Variants in CNMD observed in about 807,000 individuals in gnomAD.
CNMD encodes the protein leukocyte cell-derived chemotaxin 1.
Under a neutral mutation model 37.5 loss-of-function variants are expected in CNMD, and 30 were observed. The ratio of observed to expected loss-of-function variants is 0.80; its 90% CI spans 0.60 to 1.09. The LOEUF (loss-of-function observed/expected upper bound fraction) is 1.09. CNMD is among the 50% of genes least tolerant of loss of function. The pLI is 0.00. For missense variants in CNMD, 398 were observed against 423.9 expected, an observed-to-expected ratio of 0.94 and a Z score of 0.54; for synonymous variants, 167 against 148.2, an observed-to-expected ratio of 1.13 and a Z score of -0.92.
chr13:52,704,636 A>T (rs1457008360), intron 6 of CNMD, among the ~76,000 whole-genome samples: 1 of 152,138 alleles, frequency 6.6e-6, no homozygotes, highest in Admixed American at 6.5e-5. Flanking sequence ...TATGGTATTG[A>T]AGTGCATTCC....
At position 52,739,171 on chromosome 13, in the gene CNMD, C is replaced by A; in HGVS notation, c.73G>T (p.Ala25Ser). The A allele has an allele frequency of 1.3e-6, 2 of 1,487,506 alleles. No homozygotes were observed. Among genetic ancestry groups the A allele is most frequent in the Non-Finnish European group, 1.8e-6 (2 of 1,125,234 alleles). The allele number at this position is 1,487,506 out of a possible 1,614,324, so 92.1% of individuals were successfully genotyped here. A position where few individuals can be genotyped will look rare whatever the true frequency, so the allele number is the denominator to read the frequency against. The change falls in exon 2 of 7, where the codon GCG (alanine) becomes TCG (serine). Residue 25 changes from alanine to serine, a missense_variant and splice_region_variant. Physicochemically the swap from Ala to Ser is moderately conservative, Grantham distance 99 (BLOSUM62 1). Coordinates refer to ENST00000377962, the MANE Select transcript of CNMD (RefSeq NM_007015.3). The surrounding 1 kb of genome is among the most constrained non-coding windows in gnomAD (Gnocchi z 5.4). ...PDDVEFCSPPAYATLTVKPSS... is the reference protein window; with the variant it reads ...PDDVEFCSPPSYATLTVKPSS... ...GGCTTCACCGTCAGCGTAGCGTACG[C>A]CTGCGGGCCGGGGCGGGAGAGGGAC...
chr13:52,736,024 T>C (rs557666937), intron 2 of CNMD, among the ~76,000 whole-genome samples: 222 of 150,706 alleles, frequency 1.5e-3, no homozygotes, highest in Middle Eastern at 3.5e-3. Context: ...GACGGAGTCT[T>C]GCTCTGTCGC....
intron 4 of CNMD, among the ~76,000 whole-genome samples, chr13:52,721,117 C>T (rs907176371): frequency 6.6e-6 from 1 of 152,158 alleles, no homozygotes; most frequent in Non-Finnish European, 1.5e-5. Context: ...AAACTGCCTA[C>T]TCAAGCCTCA....
intron 4 of CNMD, among the ~76,000 whole-genome samples, chr13:52,717,272 A>G (rs557652206): frequency 7.9e-5 from 12 of 152,308 alleles, no homozygotes; most frequent in Admixed American, 5.9e-4. Flanking sequence ...TAAATGTACA[A>G]TCATGTAATC....
intron 4 of CNMD, among the ~76,000 whole-genome samples, chr13:52,722,095 G>GA: frequency 6.6e-6 from 1 of 152,186 alleles, no homozygotes; most frequent in East Asian, 1.9e-4. Flanking sequence ...GCACCGAGAA[G>GA]ACGACCTTTG....
At chr13:52,738,497 G>GT (rs1157325303) in intron 2 of CNMD, among the ~76,000 whole-genome samples, 2 of 152,026 alleles carry the variant, frequency 1.3e-5, no homozygotes, top group Non-Finnish European at 2.9e-5. Context: ...TTTGTTTTTT[G>GT]TTTTTGTTTT....
At chr13:52,730,877 C>T (rs939075312) in intron 3 of CNMD, among the ~76,000 whole-genome samples, 2 of 152,044 alleles carry the variant, frequency 1.3e-5, no homozygotes, top group South Asian at 2.1e-4. Flanking sequence ...TTTTCTTCCA[C>T]GGGGTTCTAC....
intron 3 of CNMD, among the ~76,000 whole-genome samples, chr13:52,730,787 A>G (rs976877107): frequency 6.6e-6 from 1 of 152,204 alleles, no homozygotes; most frequent in Non-Finnish European, 1.5e-5. Context: ...CTCATAAAGT[A>G]TGAATGAACT....
At chr13:52,734,619 A>G (rs2138277577) in intron 2 of CNMD, among the ~76,000 whole-genome samples, 1 of 151,798 alleles carries the variant, frequency 6.6e-6, no homozygotes, top group East Asian at 1.9e-4. Context: ...TATCTTACAT[A>G]TGATATATTA....
intron 4 of CNMD, 99 bp downstream of exon 4, chr13:52,723,897 TA>T: frequency 1.3e-6 from 1 of 764,050 alleles, no homozygotes; most frequent in Non-Finnish European, 2.2e-6. Flanking sequence ...TCTGTCTCAA[TA>T]AAAATAAAAA....
At chr13:52,704,970 A>C (rs1031361452) in intron 6 of CNMD, among the ~76,000 whole-genome samples, 2 of 152,088 alleles carry the variant, frequency 1.3e-5, no homozygotes, top group African/African-American at 2.4e-5. Flanking sequence ...GAGGCAGGAG[A>C]ATCTCCTGAA....
At chr13:52,729,962 C>T (rs1355922691) in intron 3 of CNMD, among the ~76,000 whole-genome samples, 2 of 151,120 alleles carry the variant, frequency 1.3e-5, no homozygotes, top group Non-Finnish European at 3.0e-5. Flanking sequence ...TATATCTCCT[C>T]ATGCTATCCC....
At position 52,733,354 on chromosome 13, in the gene CNMD, G is replaced by A; in HGVS notation, c.219C>T (p.Tyr73=). The A allele has an allele frequency of 6.2e-7, 1 of 1,613,852 alleles. No homozygotes were observed. Among genetic ancestry groups the A allele is most frequent in the African/African-American group, 1.3e-5 (1 of 75,028 alleles). ...YFWKGSDSHI[Y]NVHYTMSING... ...TGATACTCATGGTGTAATGGACATT[G>A]TAAATCTGAAAGTGAGCATAAGAGT... The change falls in exon 3 of 7, where the codon TAC becomes TAT. Residue 73 remains tyrosine (Y), a synonymous_variant. Transcript: ENST00000377962.
chr13:52,712,534 A>G (rs1053058826), intron 5 of CNMD, among the ~76,000 whole-genome samples, 182 bp downstream of exon 5: 2 of 152,062 alleles, frequency 1.3e-5, no homozygotes, highest in Admixed American at 6.6e-5. Flanking sequence ...CCTTCCCTTC[A>G]ATAGTCACGG....
At chr13:52,726,137 T>C (rs865901608) in intron 3 of CNMD, among the ~76,000 whole-genome samples, 1 of 152,198 alleles carries the variant, frequency 6.6e-6, no homozygotes, top group Non-Finnish European at 1.5e-5. Flanking sequence ...GGCTCTTAAC[T>C]GCACCTGAAT....
intron 5 of CNMD, among the ~76,000 whole-genome samples, chr13:52,711,216 A>G (rs1044110399): frequency 2.0e-5 from 3 of 152,172 alleles, no homozygotes; most frequent in Non-Finnish European, 4.4e-5. Flanking sequence ...CTTGTCCTCA[A>G]TGAGATTAGG....
At chr13:52,720,381 G>A (rs189417179) in intron 4 of CNMD, among the ~76,000 whole-genome samples, 48 of 152,232 alleles carry the variant, frequency 3.2e-4, no homozygotes, top group Non-Finnish European at 6.3e-4. Context: ...CCTTGTTGGC[G>A]AGGAGTTGTG....
intron 6 of CNMD, among the ~76,000 whole-genome samples, chr13:52,708,298 C>G (rs1964225797): frequency 6.6e-6 from 1 of 152,070 alleles, no homozygotes; most frequent in South Asian, 2.1e-4. Context: ...TCTCCTGCCT[C>G]AGCCTCCGGA....
At chr13:52,738,936 G>C (rs1964825434) in intron 2 of CNMD, 95 bp downstream of exon 2, 1 of 1,227,898 alleles carries the variant, frequency 8.1e-7, no homozygotes, top group Non-Finnish European at 1.0e-6. Flanking sequence ...GGGGCCCGCC[G>C]GCAGCCGCGC....
Sources: allele counts gnomAD v4.1 joint callset (sites outside exome capture counted in the v4.1 genomes callset), GRCh38; gene constraint gnomAD v4.1.1; non-coding constraint Gnocchi (gnomAD v3.1); transcripts MANE v1.5; gene names NCBI Gene and HGNC (gene_info 2026-07-23, HGNC 2026-07-21).